The following MYO5C variants were observed in gnomAD, a reference collection of about 807,000 sequenced individuals.
MYO5C encodes myosin VC.
A neutral mutation model predicts 235.7 loss-of-function variants in MYO5C; 194 were observed. That is an observed-to-expected ratio of 0.82 (90% CI 0.73 to 0.93). The LOEUF is 0.93. MYO5C is among the 40% of genes least tolerant of loss of function. MYO5C has a pLI of 0.00. For missense variants in MYO5C, 2,038 were observed against 2,127.2 expected (o/e 0.96, Z 0.82); for synonymous variants, 707 against 754.8 (o/e 0.94, Z 1.04).
Position 52,193,937 on chromosome 15 carries a change from T to C in MYO5C, c.5194A>G (p.Ser1732Gly). 1 of 1,613,426 alleles carries C rather than the reference T, an allele frequency of 6.2e-7. No homozygotes were observed. The highest frequency in any genetic ancestry group is 8.5e-7 in the Non-Finnish European group (1 of 1,179,800). Residue 1732 changes from serine to glycine, a missense_variant, in exon 41 of 41, where the codon AGC (serine) becomes GGC (glycine). Ser to Gly is a moderately conservative substitution (Grantham distance 56). Coordinates refer to ENST00000261839, the MANE Select transcript of MYO5C (RefSeq NM_018728.4). ...PHALEMIQIP[S>G]SFKLGFLNRL ...TTCAGAAAGCCTAGCTTGAAACTGCTGGGGATCTGAATCATTTCCAGAGCA... is the reference window on the plus strand; with the variant it reads ...TTCAGAAAGCCTAGCTTGAAACTGCCGGGGATCTGAATCATTTCCAGAGCA...
intron 1 of MYO5C, among the ~76,000 whole-genome samples, chr15:52,287,702 C>T (rs563219304): frequency 3.9e-5 from 6 of 152,256 alleles, no homozygotes; most frequent in African/African-American, 1.2e-4. Context: ...TCTGGCCAGG[C>T]GCGGTGGCTC....
chr15:52,293,757 C>G (rs537079945), intron 1 of MYO5C, among the ~76,000 whole-genome samples: 1 of 152,168 alleles, frequency 6.6e-6, no homozygotes, highest in Non-Finnish European at 1.5e-5. Context: ...TACGTGACCC[C>G]GGCCTCTCTC....
At chr15:52,279,148 G>T (rs886089231) in intron 3 of MYO5C, 131 bp from the exon 4 acceptor site, 1 of 939,080 alleles carries the variant, frequency 1.1e-6, no homozygotes, top group Non-Finnish European at 1.6e-6. Context: ...GTCACTTCAC[G>T]CACTGAATTA....
At chr15:52,227,593 T>C (rs765667120) in intron 25 of MYO5C, among the ~76,000 whole-genome samples, 19 of 152,076 alleles carry the variant, frequency 1.2e-4, no homozygotes, top group African/African-American at 4.6e-4. Flanking sequence ...GCAAGCGCAG[T>C]CTCACAAGTT....
At chr15:52,256,449 T>C (rs1448746543) in intron 11 of MYO5C, among the ~76,000 whole-genome samples, 190 bp downstream of exon 11, 2 of 151,502 alleles carry the variant, frequency 1.3e-5, no homozygotes, top group African/African-American at 2.4e-5. Flanking sequence ...AAAGATGAAA[T>C]AGATGAGAGG....
intron 15 of MYO5C, 122 bp downstream of exon 15, chr15:52,247,336 G>T: frequency 8.5e-7 from 1 of 1,175,722 alleles, no homozygotes; most frequent in Non-Finnish European, 1.2e-6. Context: ...GTCCATGTTA[G>T]ATTGGAAGAG....
intron 10 of MYO5C, among the ~76,000 whole-genome samples, chr15:52,258,502 C>A (rs1402221958): frequency 6.6e-6 from 1 of 152,196 alleles, no homozygotes; most frequent in East Asian, 1.9e-4. Flanking sequence ...TCACTCTCAG[C>A]TTAGACCTTG....
At chr15:52,247,690 A>G (rs918524563) in intron 14 of MYO5C, 98 bp from the exon 15 acceptor site, 15 of 1,368,394 alleles carry the variant, frequency 1.1e-5, no homozygotes, top group Non-Finnish European at 1.5e-5. Context: ...CAGCTAAACT[A>G]GTGGGCGGTG....
intron 40 of MYO5C, 44 bp from the exon 41 acceptor site, chr15:52,194,098 G>C (rs1249761455): frequency 1.9e-6 from 3 of 1,590,440 alleles, no homozygotes; most frequent in Non-Finnish European, 2.6e-6. Flanking sequence ...AAACTAACAT[G>C]TTCTGCTTTA....
Position 52,245,416 on chromosome 15 carries a change from G to C in MYO5C, c.2116C>G (p.Gln706Glu). 1 of 1,614,174 alleles carries C rather than the reference G, an allele frequency of 6.2e-7. No homozygotes were observed. The highest frequency in any genetic ancestry group is 8.5e-7 in the Non-Finnish European group (1 of 1,180,016). ...YSRYGILMTK[Q>E]ELSFSDKKEV... Reference sequence around the variant, plus strand: ...TTTTTATCGCTGAAGGAAAGCTCTTGCTTGGTCATGAGAATGCCGTAGCGA... The same window carrying C: ...TTTTTATCGCTGAAGGAAAGCTCTTCCTTGGTCATGAGAATGCCGTAGCGA... Residue 706 changes from glutamine (Q) to glutamate (E), a missense_variant, in exon 18 of 41, where the codon CAA (glutamine) becomes GAA (glutamate). Transcript: ENST00000261839.
chr15:52,211,835 A>G lies in MYO5C; in HGVS notation c.4191T>C (p.Ala1397=). 1 of 1,614,118 alleles carries G rather than the reference A, an allele frequency of 6.2e-7. No individual in the cohort carries two copies. Among genetic ancestry groups the G allele is most frequent in the East Asian group, 2.2e-5 (1 of 44,888 alleles). Residue 1397 remains alanine (A), a synonymous_variant, in exon 35 of 41, where the codon GCT becomes GCC. Transcript: ENST00000261839. ...AGCGCACACACATGAACAGGATATG[A>G]GCCGGCAGCCCGGGGATCATGTTCA... ...VVVNMIPGLP[A]HILFMCVRYA...
intron 11 of MYO5C, among the ~76,000 whole-genome samples, chr15:52,253,706 C>T (rs2036521047): frequency 6.6e-6 from 1 of 152,246 alleles, no homozygotes; most frequent in Non-Finnish European, 1.5e-5. Flanking sequence ...TTGGGCCAGC[C>T]TGTGTCACCA....
In MYO5C at chr15:52,211,719, G is replaced by T. The variant is rs1188739732; in HGVS notation, c.4296+11C>A. The T allele has an allele frequency of 1.3e-5, 21 of 1,612,292 alleles. No homozygotes were observed. The highest frequency in any genetic ancestry group is 1.4e-5 in the Non-Finnish European group (17 of 1,178,976). ...GTGATACCAGGGGCCAATGTCAAAG[G>T]CATTTCCTACCTTAACCACCTGCTT... On this transcript the variant is annotated intron_variant, in intron 35 of 40. Coordinates refer to ENST00000261839, the MANE Select transcript of MYO5C (RefSeq NM_018728.4).
At chr15:52,210,629 C>T (rs184385745) in intron 35 of MYO5C, among the ~76,000 whole-genome samples, 211 of 152,210 alleles carry the variant, frequency 1.4e-3, no homozygotes, top group African/African-American at 4.9e-3. Flanking sequence ...GTCAACCACC[C>T]TACCCACACC....
At chr15:52,214,892 A>G (rs1161190466) in intron 32 of MYO5C, among the ~76,000 whole-genome samples, 2 of 152,176 alleles carry the variant, frequency 1.3e-5, no homozygotes, top group African/African-American at 4.8e-5. Context: ...TATTACTCCA[A>G]AAATAAAACT....
At chr15:52,214,541 A>G in intron 33 of MYO5C, 62 bp downstream of exon 33, 1 of 1,210,110 alleles carries the variant, frequency 8.3e-7, no homozygotes, top group Non-Finnish European at 1.2e-6. Flanking sequence ...GAAAGAAAAT[A>G]AACACTTGAG....
In MYO5C at chr15:52,248,772, T is replaced by TTTA; in HGVS notation, c.1671_1673dup (p.Tyr557_Lys558insAsn). The TTTA allele has an allele frequency of 6.2e-7, 1 of 1,612,774 alleles. No homozygotes were observed. On this transcript the variant is annotated inframe_insertion, in exon 14 of 41. Transcript: ENST00000261839. The stretch of plus-strand genomic sequence containing the variant: ...TGTTTTTCTCCAGGAAACCTTCACA[T>TTTA]TTATACTCTACCTATACAGAGAAAG...
At chr15:52,261,996 G>A (rs941166040) in intron 9 of MYO5C, among the ~76,000 whole-genome samples, 7 of 152,296 alleles carry the variant, frequency 4.6e-5, no homozygotes, top group Admixed American at 3.9e-4. Flanking sequence ...ACCCCCTGCT[G>A]ACCAATATCA....
intron 8 of MYO5C, among the ~76,000 whole-genome samples, chr15:52,268,283 G>A (rs1477761508): frequency 6.6e-6 from 1 of 152,190 alleles, no homozygotes; most frequent in Non-Finnish European, 1.5e-5. Flanking sequence ...AGAAATGGCT[G>A]GCCGGGCGCG....
Sources: gnomAD v4.1 joint callset for allele counts (sites outside exome capture counted in the v4.1 genomes callset) on GRCh38, gnomAD v4.1.1 for gene constraint, MANE v1.5 for transcripts, NCBI Gene and HGNC (gene_info 2026-07-23, HGNC 2026-07-21) for gene names.